The following APOL5 variants were observed in gnomAD, a reference collection of about 807,000 sequenced individuals.
APOL5 encodes the protein apolipoprotein L5.
Under a neutral mutation model 35.5 loss-of-function variants are expected in APOL5, and 29 were observed. The ratio of observed to expected loss-of-function variants is 0.82; its 90% CI spans 0.61 to 1.11. The LOEUF (loss-of-function observed/expected upper bound fraction) is 1.11. Among genes scored for constraint, APOL5 ranks in the 50% most tolerant of loss-of-function variants. APOL5 has a pLI of 0.00. For synonymous variants in APOL5, 188 were observed against 200.2 expected (o/e 0.94, Z 0.51); for missense variants, 514 against 530.4 (o/e 0.97, Z 0.30).
chr22:35,723,664 T>A (rs1175519203), intron 2 of APOL5, among the ~76,000 whole-genome samples: 1 of 152,286 alleles, frequency 6.6e-6, no homozygotes, highest in Middle Eastern at 3.4e-3. Flanking sequence ...ACACTTTTGT[T>A]AAAAATCTAC....
intron 1 of APOL5, among the ~76,000 whole-genome samples, chr22:35,719,079 T>C (rs1034811434): frequency 2.0e-5 from 3 of 150,994 alleles, no homozygotes; most frequent in African/African-American, 7.3e-5. Context: ...TAATAAATAA[T>C]AATAATAAAT....
At chr22:35,726,159 G>A in intron 2 of APOL5, 52 bp from the exon 3 acceptor site, 1 of 1,561,468 alleles carries the variant, frequency 6.4e-7, no homozygotes, top group Non-Finnish European at 8.7e-7. Flanking sequence ...CGATTCTCAG[G>A]GCTCTGCCTC....
At chr22:35,712,964 C>A (rs1259227537), upstream of APOL5, among the ~76,000 whole-genome samples, 2 of 152,202 alleles carry the variant, frequency 1.3e-5, no homozygotes, top group Non-Finnish European at 2.9e-5. Flanking sequence ...TGGAACCAAT[C>A]CGGATTCACT....
At chr22:35,724,502 T>C (rs544352605) in intron 2 of APOL5, among the ~76,000 whole-genome samples, 2 of 152,308 alleles carry the variant, frequency 1.3e-5, no homozygotes, top group East Asian at 3.9e-4. Flanking sequence ...AATGTATGCA[T>C]GTATGTATAT....
intron 2 of APOL5, among the ~76,000 whole-genome samples, chr22:35,720,977 C>G (rs1175821217): frequency 6.6e-6 from 1 of 152,086 alleles, no homozygotes; most frequent in African/African-American, 2.4e-5. Flanking sequence ...AACTCCTGAT[C>G]TCAAATGCTC....
rs1442231081 is a variant in APOL5, at chr22:35,728,770, CT to C, written c.1175del (p.Leu392ArgfsTer7). The C allele has an allele frequency of 1.9e-6, 3 of 1,613,588 alleles. No homozygotes were observed. The highest frequency in any genetic ancestry group is 1.7e-6 in the Non-Finnish European group (2 of 1,179,870). On this transcript the variant is annotated frameshift_variant, in exon 4 of 5. Coordinates refer to ENST00000249044, the MANE Select transcript of APOL5 (RefSeq NM_030642.1). LOFTEE classifies it high-confidence loss of function. ...PWPVVEHQPR[L>X]GPGVALRTPK... ...GCCTGTTGTGGAGCACCAGCCTAGG[CT>C]GGGCCCTGGCGTGGCACTGAGGACA...
chr22:35,727,259 G>C (rs1316399601), intron 3 of APOL5, 65 bp downstream of exon 3: 12 of 1,538,450 alleles, frequency 7.8e-6, no homozygotes, highest in Non-Finnish European at 8.7e-7. Flanking sequence ...TGAGGGTGGG[G>C]GGCGACGAAT....
At chr22:35,710,781 A>G in the APOL5 span, among the ~76,000 whole-genome samples, 2 of 152,122 alleles carry the variant, frequency 1.3e-5, no homozygotes, top group African/African-American at 4.8e-5. Context: ...AATCCCATAT[A>G]AGGGGAATCC....
At chr22:35,713,521 A>G (rs1202033975), upstream of APOL5, among the ~76,000 whole-genome samples, 10 of 151,794 alleles carry the variant, frequency 6.6e-5, no homozygotes, top group Non-Finnish European at 1.5e-5. Flanking sequence ...CGTGGATTTT[A>G]TCTGTTTACG....
chr22:35,724,494 T>C (rs2146002332), intron 2 of APOL5, among the ~76,000 whole-genome samples: 1 of 152,310 alleles, frequency 6.6e-6, no homozygotes, highest in African/African-American at 2.4e-5. Context: ...ACATTATAAA[T>C]GTATGCATGT....
At chr22:35,724,019 G>A (rs1290444406) in intron 2 of APOL5, among the ~76,000 whole-genome samples, 1 of 152,144 alleles carries the variant, frequency 6.6e-6, no homozygotes, top group Non-Finnish European at 1.5e-5. Flanking sequence ...CTGAATGACA[G>A]TGAGCCCTCT....
chr22:35,720,488 A>G (rs33921037), intron 1 of APOL5, 80 bp from the exon 2 acceptor site: 454,632 of 1,251,072 alleles, frequency 0.36, 86,137 homozygotes, highest in East Asian at 0.58. Context: ...TTAGACAGCC[A>G]ACTTTCCCGG....
upstream of APOL5, among the ~76,000 whole-genome samples, chr22:35,716,792 C>T (rs577238356): frequency 8.8e-4 from 134 of 152,034 alleles, no homozygotes; most frequent in African/African-American, 3.1e-3. Flanking sequence ...ATTCTTCAAC[C>T]TCTTTTCTTT....
At chr22:35,723,147 G>A (rs1469741881) in intron 2 of APOL5, among the ~76,000 whole-genome samples, 3 of 152,184 alleles carry the variant, frequency 2.0e-5, no homozygotes, top group Non-Finnish European at 4.4e-5. Flanking sequence ...TAAGGCTGTT[G>A]TCAACAGTTC....
intron 1 of APOL5, among the ~76,000 whole-genome samples, chr22:35,719,141 GA>G (rs1381396146): frequency 6.6e-6 from 1 of 152,122 alleles, no homozygotes. Flanking sequence ...AAATAATACG[GA>G]TTTGAAAAAT....
At chr22:35,725,667 G>A (rs919179062) in intron 2 of APOL5, among the ~76,000 whole-genome samples, 1 of 152,112 alleles carries the variant, frequency 6.6e-6, no homozygotes, top group African/African-American at 2.4e-5. Context: ...GCCCTCTTGC[G>A]CTGAGCGGGT....
intron 1 of APOL5, among the ~76,000 whole-genome samples, 200 bp downstream of exon 1, chr22:35,718,126 T>C (rs1401376510): frequency 1.3e-5 from 2 of 152,238 alleles, no homozygotes; most frequent in Admixed American, 6.5e-5. Context: ...CTACATCAAA[T>C]AACTTCCTTT....
At chr22:35,725,807 T>C (rs1927131560) in intron 2 of APOL5, among the ~76,000 whole-genome samples, 1 of 152,194 alleles carries the variant, frequency 6.6e-6, no homozygotes, top group South Asian at 2.1e-4. Flanking sequence ...TGATGTTATC[T>C]CGAGGAGCAA....
rs1454226321 is a variant in APOL5, at chr22:35,726,305, T to C, written c.237T>C (p.Phe79=). The change falls in exon 3 of 5, where the codon TTT becomes TTC. Residue 79 remains phenylalanine (F), a synonymous_variant. Coordinates refer to ENST00000249044, the MANE Select transcript of APOL5 (RefSeq NM_030642.1). The part of the protein sequence containing the change: ...DEAGMLSYFL[F]EELMRCDKDS... Reference sequence around the variant, plus strand: ...CTGGTATGCTGTCCTACTTTCTGTTTGAAGAGCTGATGCGATGTGACAAAG... The same window carrying C: ...CTGGTATGCTGTCCTACTTTCTGTTCGAAGAGCTGATGCGATGTGACAAAG... 1 of 1,614,204 alleles carries C rather than the reference T, an allele frequency of 6.2e-7. No homozygotes were observed. Among genetic ancestry groups the C allele is most frequent in the East Asian group, 2.2e-5 (1 of 44,892 alleles).
Sources: allele counts gnomAD v4.1 joint callset (sites outside exome capture counted in the v4.1 genomes callset), GRCh38; gene constraint gnomAD v4.1.1; transcripts MANE v1.5; gene names NCBI Gene and HGNC (gene_info 2026-07-23, HGNC 2026-07-21).